SHISA8: variants seen among roughly 807,000 people sequenced by gnomAD.
SHISA8 encodes the protein protein shisa-8.
A neutral mutation model predicts 21.1 loss-of-function variants in SHISA8; 21 were observed. The observed-to-expected ratio is 0.99, with a 90% CI of 0.71 to 1.43. SHISA8 has a LOEUF of 1.43. Ranked by LOEUF, SHISA8 falls within the 40% of genes most tolerant of loss-of-function variation. SHISA8 has a pLI of 0.00. For synonymous variants in SHISA8, 300 were observed against 291.4 expected (o/e 1.03, Z -0.30); for missense variants, 535 against 599.1 (o/e 0.89, Z 1.12).
rs893219057 is a variant in SHISA8, at chr22:41,910,043, G to A, written c.916C>T (p.Leu306=). The change falls in exon 4 of 4, where the codon CTG becomes TTG. Residue 306 remains leucine (L), a synonymous_variant. Transcript: ENST00000621082. The surrounding 1 kb of genome is among the most constrained non-coding windows in gnomAD (Gnocchi z 6.8). ...GGCGGGGCCCAGGGGCAGGCGTCCAGCGGCGCAGGCAAGTCCGGGGATGGT... is the reference window on the plus strand; with the variant it reads ...GGCGGGGCCCAGGGGCAGGCGTCCAACGGCGCAGGCAAGTCCGGGGATGGT... ...PRPSPDLPAP[L]DACPWAPPVY... The A allele has an allele frequency of 7.9e-7, 1 of 1,259,760 alleles. No homozygotes were observed. Among genetic ancestry groups the A allele is most frequent in the African/African-American group, 1.6e-5 (1 of 64,140 alleles). 78.0% of individuals were successfully genotyped at this position (1,259,760 alleles called of 1,614,324 possible).
At chr22:41,911,660 T>G (rs2077554266) in intron 1 of SHISA8, among the ~76,000 whole-genome samples, 1 of 152,086 alleles carries the variant, frequency 6.6e-6, no homozygotes, top group African/African-American at 2.4e-5. Context: ...CAATGCGAGC[T>G]TTCTCTGCTT....
Position 41,909,926 on chromosome 22 carries a change from G to A in SHISA8, c.1033C>T (p.Arg345Trp), listed in dbSNP as rs2077536176. ...RPAPLSHPTA[R>W]AFQVPRRPGH... Reference sequence around the variant, plus strand: ...GGTCGCCGGGGTACCTGGAAGGCCCGAGCCGTCGGGTGGCTGAGCGGGGCG... The same window carrying A: ...GGTCGCCGGGGTACCTGGAAGGCCCAAGCCGTCGGGTGGCTGAGCGGGGCG... The change falls in exon 4 of 4, where the codon CGG becomes TGG. Residue 345 changes from arginine (R) to tryptophan (W), a missense_variant. Coordinates refer to ENST00000621082, the MANE Select transcript of SHISA8 (RefSeq NM_001207020.3). 3.3e-6 allele frequency: 5 copies of A among 1,522,060 alleles called. No homozygotes were observed. Among genetic ancestry groups the A allele is most frequent in the East Asian group, 2.5e-5 (1 of 39,470 alleles). 94.3% of individuals were successfully genotyped at this position (1,522,060 alleles called of 1,614,324 possible). A position where few individuals can be genotyped will look rare whatever the true frequency, so the allele number is the denominator to read the frequency against.
In SHISA8 at chr22:41,910,385, C is replaced by G; in HGVS notation, c.811+23G>C. 7.8e-7 allele frequency: 1 copy of G among 1,289,956 alleles called. No homozygotes were observed. Among genetic ancestry groups the G allele is most frequent in the Non-Finnish European group, 9.8e-7 (1 of 1,019,326 alleles). 79.9% of individuals were successfully genotyped at this position (1,289,956 alleles called of 1,614,324 possible). A position where few individuals can be genotyped will look rare whatever the true frequency, so the allele number is the denominator to read the frequency against. ...GAGCTCGTGCGCCCAGGTGCCCTGA[C>G]GCTGCCCGCACCCGCCACTCACCTG... On this transcript the variant is annotated intron_variant, in intron 3 of 3. Transcript: ENST00000621082. This position sits in a 1 kb window ranked among gnomAD's most constrained non-coding sequence, Gnocchi z 6.8.
rs1028056364 is a variant in SHISA8, at chr22:41,911,248, C to G, written c.632G>C (p.Gly211Ala). Residue 211 changes from glycine (G) to alanine (A), a missense_variant, in exon 2 of 4, where the codon GGC becomes GCC. Gly to Ala is a moderately conservative substitution (Grantham distance 60). Coordinates refer to ENST00000621082, the MANE Select transcript of SHISA8 (RefSeq NM_001207020.3). The part of the protein sequence containing the change: ...GGCVQVQMGD[G>A]LPRGSPHNSA... ...GTTGTGGGGGGAGCCCCGGGGGAGG[C>G]CGTCCCCCATCTGCACCTGGACACA... 87 of 1,284,064 alleles carry G rather than the reference C, an allele frequency of 6.8e-5. No individual in the cohort carries two copies. Among genetic ancestry groups the G allele is most frequent in the Non-Finnish European group, 8.5e-5 (86 of 1,015,764 alleles). The allele number at this position is 1,284,064 out of a possible 1,614,324, so 79.5% of individuals were successfully genotyped here. A position where few individuals can be genotyped will look rare whatever the true frequency, so the allele number is the denominator to read the frequency against.
chr22:41,911,097 A>T (rs2077550155), intron 2 of SHISA8, 119 bp downstream of exon 2: 2 of 1,197,558 alleles, frequency 1.7e-6, no homozygotes, highest in Admixed American at 8.5e-5. Flanking sequence ...TCACCCGCAG[A>T]GGCCGCGGCT....
intron 1 of SHISA8, 143 bp from the exon 2 acceptor site, chr22:41,911,492 G>C: frequency 1.1e-6 from 1 of 909,530 alleles, no homozygotes; most frequent in East Asian, 3.3e-5. Context: ...AATCACGCAC[G>C]AGTTTCCCCT....
At position 41,909,858 on chromosome 22, in the gene SHISA8, C is replaced by T; in HGVS notation, c.1101G>A (p.Glu367=). Residue 367 remains glutamate (E), a synonymous_variant, in exon 4 of 4, where the codon GAG becomes GAA. Transcript: ENST00000621082. ...ARRQFSVKMP[E]TFNPQLPGLY... ...GGCCGGGGAGCTGCGGGTTGAAGGT[C>T]TCAGGCATCTTCACACTGAACTGGC... is the stretch of plus-strand genomic sequence containing the variant. 1.3e-6 allele frequency: 2 copies of T among 1,530,932 alleles called. No individual in the cohort carries two copies. Among genetic ancestry groups the T allele is most frequent in the Non-Finnish European group, 1.7e-6 (2 of 1,144,728 alleles). 94.8% of individuals were successfully genotyped at this position (1,530,932 alleles called of 1,614,324 possible).
chr22:41,911,543 A>C (rs2077553573), intron 1 of SHISA8, among the ~76,000 whole-genome samples, 194 bp from the exon 2 acceptor site: 1 of 152,104 alleles, frequency 6.6e-6, no homozygotes, highest in African/African-American at 2.4e-5. Context: ...GCCCCAAGAC[A>C]GCTGCTTCCC....
chr22:41,914,110 C>G lies in SHISA8; in HGVS notation c.530+28G>C. 1.4e-6 allele frequency: 2 copies of G among 1,381,536 alleles called. No individual in the cohort carries two copies. Among genetic ancestry groups the G allele is most frequent in the Non-Finnish European group, 1.9e-6 (2 of 1,075,916 alleles). 85.6% of individuals were successfully genotyped at this position (1,381,536 alleles called of 1,614,324 possible). A position where few individuals can be genotyped will look rare whatever the true frequency, so the allele number is the denominator to read the frequency against. ...CAGGGAGAGCAGTCCGAGGAGCAGG[C>G]GGGGGTCCCTGGGCGGCGCGTGCTC... On this transcript the variant is annotated intron_variant, in intron 1 of 3. Coordinates refer to ENST00000621082, the MANE Select transcript of SHISA8 (RefSeq NM_001207020.3). The surrounding 1 kb of genome is among the most constrained non-coding windows in gnomAD (Gnocchi z 6.8).
In SHISA8 at chr22:41,914,914, C is replaced by A. The variant is rs1324556869; in HGVS notation, c.-247G>T. On this transcript the variant is annotated 5_prime_UTR_variant, in exon 1 of 4. Transcript: ENST00000621082. The surrounding 1 kb of genome is among the most constrained non-coding windows in gnomAD (Gnocchi z 6.8). Reference sequence around the variant, plus strand: ...AGCTGCCCGGTCCGCGTCCTGAGATCTTCCCCGGGCCGGGCGGCGGGTCCT... The same window carrying A: ...AGCTGCCCGGTCCGCGTCCTGAGATATTCCCCGGGCCGGGCGGCGGGTCCT... Among the ~76,000 whole-genome samples, 1 of 151,366 alleles carries A rather than the reference C, an allele frequency of 6.6e-6. No homozygotes were observed. The highest frequency in any genetic ancestry group is 1.5e-5 in the Non-Finnish European group (1 of 67,714).
Position 41,909,784 on chromosome 22 carries a change from T to C in SHISA8, c.1175A>G (p.Lys392Arg). The C allele has an allele frequency of 6.7e-7, 1 of 1,485,836 alleles. No individual in the cohort carries two copies. The highest frequency in any genetic ancestry group is 8.9e-7 in the Non-Finnish European group (1 of 1,121,086). The allele number at this position is 1,485,836 out of a possible 1,614,324, so 92.0% of individuals were successfully genotyped here. A position where few individuals can be genotyped will look rare whatever the true frequency, so the allele number is the denominator to read the frequency against. ...RGSRYLRTNSKTEVTV is the reference protein window; with the variant it reads ...RGSRYLRTNSRTEVTV Reference sequence around the variant, plus strand: ...CCCGCTTCACACGGTGACCTCGGTCTTGCTATTGGTCCTTAGGTACCGGGA... The same window carrying C: ...CCCGCTTCACACGGTGACCTCGGTCCTGCTATTGGTCCTTAGGTACCGGGA... Residue 392 changes from lysine (K) to arginine (R), a missense_variant, in exon 4 of 4, where the codon AAG becomes AGG. By Grantham distance (26) the Lys-to-Arg change is conservative. Transcript: ENST00000621082.
rs920849169 is a variant in SHISA8 at position 41,914,105 on chromosome 22, G to A, written c.530+33C>T. On this transcript the variant is annotated intron_variant, in intron 1 of 3. Transcript: ENST00000621082. This position sits in a 1 kb window ranked among gnomAD's most constrained non-coding sequence, Gnocchi z 6.8. ...GCGGGCAGGGAGAGCAGTCCGAGGA[G>A]CAGGCGGGGGTCCCTGGGCGGCGCG... is the stretch of plus-strand genomic sequence containing the variant. 32 of 1,377,490 alleles carry A rather than the reference G, an allele frequency of 2.3e-5. 1 individual carries two copies. Among genetic ancestry groups the A allele is most frequent in the African/African-American group, 2.1e-4 (14 of 65,122 alleles). The allele number at this position is 1,377,490 out of a possible 1,614,324, so 85.3% of individuals were successfully genotyped here.
chr22:41,911,408 C>G, intron 1 of SHISA8, 59 bp from the exon 2 acceptor site: 1 of 1,234,354 alleles, frequency 8.1e-7, no homozygotes, highest in Non-Finnish European at 1.0e-6. Context: ...AAGCCAGCCC[C>G]GGCCACCACC....
intron 2 of SHISA8, 96 bp downstream of exon 2, chr22:41,911,120 G>C (rs755858512): frequency 7.3e-6 from 9 of 1,226,902 alleles, no homozygotes; most frequent in Non-Finnish European, 9.2e-6. Context: ...TTTCCACCGG[G>C]GAAGCCTCTA....
Position 41,910,808 on chromosome 22 carries a change from C to T in SHISA8, c.665-254G>A, listed in dbSNP as rs2077547596. 6.6e-6 allele frequency among the ~76,000 whole-genome samples: 1 copy of T among 152,056 alleles called. No individual in the cohort carries two copies. The highest frequency in any genetic ancestry group is 1.5e-5 in the Non-Finnish European group (1 of 68,002). ...CCCTCATGAACGGCTCGCCCGGAGG[C>T]GACGCTCGAGCCAGGCGCGGAGTCC... On this transcript the variant is annotated intron_variant, in intron 2 of 3. Transcript: ENST00000621082. This position sits in a 1 kb window ranked among gnomAD's most constrained non-coding sequence, Gnocchi z 6.8.
intron 2 of SHISA8, 98 bp downstream of exon 2, chr22:41,911,118 G>C: frequency 4.9e-6 from 6 of 1,223,524 alleles, no homozygotes; most frequent in Non-Finnish European, 5.1e-6. Flanking sequence ...CATTTCCACC[G>C]GGGAAGCCTC....
chr22:41,912,583 C>A (rs968334417), intron 1 of SHISA8, among the ~76,000 whole-genome samples: 1 of 152,150 alleles, frequency 6.6e-6, no homozygotes, highest in Non-Finnish European at 1.5e-5. Context: ...TTTCCAGATG[C>A]CCCGCCCAAG....
rs898350718 is a variant in SHISA8 at position 41,909,772 on chromosome 22, G to A, written c.1187C>T (p.Thr396Ile). The A allele has an allele frequency of 2.6e-4, 378 of 1,466,174 alleles. 4 individuals are homozygous for A. Among genetic ancestry groups the A allele is most frequent in the Non-Finnish European group, 4.5e-5 (50 of 1,108,892 alleles). 90.8% of individuals were successfully genotyped at this position (1,466,174 alleles called of 1,614,324 possible). Residue 396 changes from threonine to isoleucine, a missense_variant, in exon 4 of 4, where the codon ACC becomes ATC. By Grantham distance (89) the Thr-to-Ile change is moderately conservative. Transcript: ENST00000621082. ...GGGCACCGCGGCCCCGCTTCACACG[G>A]TGACCTCGGTCTTGCTATTGGTCCT... ...YLRTNSKTEV[T>I]V
chr22:41,913,191 C>T (rs2077562969), intron 1 of SHISA8, among the ~76,000 whole-genome samples: 1 of 152,256 alleles, frequency 6.6e-6, no homozygotes, highest in Non-Finnish European at 1.5e-5. Flanking sequence ...AGGAAGCCCT[C>T]ACCCCCTGCC....
Sources: gnomAD v4.1 joint callset for allele counts (sites outside exome capture counted in the v4.1 genomes callset) on GRCh38, gnomAD v4.1.1 for gene constraint, Gnocchi (gnomAD v3.1) non-coding constraint, MANE v1.5 for transcripts, NCBI Gene and HGNC (gene_info 2026-07-23, HGNC 2026-07-21) for gene names.